The following IFT140 variants were observed in gnomAD, a reference collection of about 807,000 sequenced individuals.
IFT140 encodes intraflagellar transport 140.
Under a neutral mutation model 164.6 loss-of-function variants are expected in IFT140, and 133 were observed. The observed-to-expected ratio is 0.81, with a 90% CI of 0.70 to 0.93. The LOEUF is 0.93. Ranked by LOEUF, IFT140 falls within the 40% of genes least tolerant of loss-of-function variation. The pLI, the probability that IFT140 is intolerant of heterozygous loss-of-function variation, is 0.00. For synonymous variants in IFT140, 860 were observed against 817.3 expected (o/e 1.05, Z -0.89); for missense variants, 2,045 against 1,972.3 (o/e 1.04, Z -0.70).
At chr16:1,583,417 G>C (rs368209410) in intron 11 of IFT140, 31 bp from the exon 12 acceptor site, 3 of 1,607,372 alleles carry the variant, frequency 1.9e-6, no homozygotes, top group Non-Finnish European at 2.6e-6. Context: ...TCGAGGCAAA[G>C]GGCGGGAAAA....
At chr16:1,606,830 GCACACACA>G (rs150810644) in intron 3 of IFT140, among the ~76,000 whole-genome samples, 2 of 151,110 alleles carry the variant, frequency 1.3e-5, no homozygotes, top group Non-Finnish European at 3.0e-5. Flanking sequence ...CGCACCACAC[GCACACACA>G]CACACGTGTG....
rs925857037 is a variant in IFT140 at position 1,513,920 on chromosome 16, G to A, written c.4183-2770C>T. ...CATCTCCTGACCTCATGATCTGCCC[G>A]CCTTGGCCTCCCAAAGTGCTGGGAT... On this transcript the variant is annotated intron_variant, in intron 30 of 30. Transcript: ENST00000426508. Among the ~76,000 whole-genome samples the A allele has an allele frequency of 2.0e-3, 303 of 149,006 alleles. 9 individuals carry two copies. In the East Asian group the frequency reaches 0.052, roughly 26 times the overall value.
chr16:1,597,314 C>T (rs980877830), intron 4 of IFT140, among the ~76,000 whole-genome samples: 1 of 152,204 alleles, frequency 6.6e-6, no homozygotes, highest in African/African-American at 2.4e-5. Flanking sequence ...GCCCGCCTCC[C>T]TGGTTACTGC....
rs750828167 is a variant in IFT140 at position 1,524,828 on chromosome 16, A to G, written c.2953T>C (p.Phe985Leu). 6.2e-7 allele frequency: 1 copy of G among 1,612,576 alleles called. No individual in the cohort carries two copies. Among genetic ancestry groups the G allele is most frequent in the South Asian group, 1.1e-5 (1 of 91,048 alleles). ...AAGCAGTGGATGCGGACCAGGGAGA[A>G]GTGGTCCCGGGCCAGCTCGTAGTAG... ...LHYYELARDH[F>L]SLVRIHCFQG... The change falls in exon 23 of 31, where the codon TTC (phenylalanine) becomes CTC (leucine). Residue 985 changes from phenylalanine (F) to leucine (L), a missense_variant. Transcript: ENST00000426508.
At position 1,580,763 on chromosome 16, in the gene IFT140, C is replaced by A. The variant is rs755959856; in HGVS notation, c.1520G>T (p.Trp507Leu). Residue 507 changes from tryptophan to leucine, a missense_variant, in exon 13 of 31, where the codon TGG (tryptophan) becomes TTG (leucine). Coordinates refer to ENST00000426508, the MANE Select transcript of IFT140 (RefSeq NM_014714.4). ...TGCAGTGGAGCAGCAACTTACCTGC[C>A]AGGTTCGAACTTGAACTCGGTTTGA... ...VESNRVQVRT[W>L]QGTVKQLLLF... The A allele has an allele frequency of 1.2e-5, 19 of 1,612,024 alleles. No individual in the cohort carries two copies. In the Admixed American group the frequency reaches 2.3e-4, roughly 20 times the overall value.
At chr16:1,558,949 G>A (rs912307640) in intron 18 of IFT140, among the ~76,000 whole-genome samples, 8 of 152,234 alleles carry the variant, frequency 5.3e-5, no homozygotes, top group Admixed American at 2.0e-4. Flanking sequence ...TTGCGGCCCC[G>A]GTGAGTAGGC....
At position 1,524,590 on chromosome 16, in the gene IFT140, G is replaced by A. The variant is rs141818893; in HGVS notation, c.3103C>T (p.Arg1035Trp). Residue 1035 changes from arginine to tryptophan, a missense_variant, in exon 24 of 31, where the codon CGG becomes TGG. By Grantham distance (101) the Arg-to-Trp change is moderately radical. Coordinates refer to ENST00000426508, the MANE Select transcript of IFT140 (RefSeq NM_014714.4). Reference sequence around the variant, plus strand: ...ATGGCATTCTTGAAGGCCTGTGCCCGGGTGTAGAAGTGCACCGCCTGCCCG... The same window carrying A: ...ATGGCATTCTTGAAGGCCTGTGCCCAGGTGTAGAAGTGCACCGCCTGCCCG... ...EVGQAVHFYT[R>W]AQAFKNAIRL... is the part of the protein sequence containing the mutation. 2.2e-5 allele frequency: 36 copies of A among 1,609,640 alleles called. 1 individual carries two copies. The highest frequency in any genetic ancestry group is 1.0e-4 in the Admixed American group (6 of 59,694).
chr16:1,539,706 G>A (rs1351101003), intron 19 of IFT140, among the ~76,000 whole-genome samples: 2 of 152,232 alleles, frequency 1.3e-5, no homozygotes, highest in Non-Finnish European at 2.9e-5. Context: ...GTTTTGCTGC[G>A]AGAAAAATGA....
intron 13 of IFT140, 72 bp from the exon 14 acceptor site, chr16:1,571,606 C>G: frequency 2.1e-6 from 3 of 1,453,084 alleles, no homozygotes; most frequent in Non-Finnish European, 2.8e-6. Context: ...TAACCTTGTA[C>G]ACACAAGAAA....
chr16:1,549,768 A>C (rs771059654), intron 19 of IFT140, among the ~76,000 whole-genome samples: 1 of 151,574 alleles, frequency 6.6e-6, no homozygotes, highest in Non-Finnish European at 1.5e-5. Flanking sequence ...AGCTTTCTAG[A>C]CTCATGACTC....
Position 1,583,334 on chromosome 16 carries a change from C to G in IFT140, c.1412G>C (p.Gly471Ala). The G allele has an allele frequency of 6.2e-7, 1 of 1,614,114 alleles. No homozygotes were observed. The highest frequency in any genetic ancestry group is 1.1e-5 in the South Asian group (1 of 91,078). ...GRQVAIFELSGAAIRSAGTFL... is the reference protein window; with the variant it reads ...GRQVAIFELSAAAIRSAGTFL... ...CCCACCTGCACTCCGTATCGCGGCT[C>G]CAGAAAGCTCGAAGATCGCCACCTG... The change falls in exon 12 of 31, where the codon GGA (glycine) becomes GCA (alanine). Residue 471 changes from glycine (G) to alanine (A), a missense_variant. By Grantham distance (60) the Gly-to-Ala change is moderately conservative. Transcript: ENST00000426508.
At chr16:1,552,666 T>TG (rs2032755006) in intron 19 of IFT140, among the ~76,000 whole-genome samples, 2 of 150,594 alleles carry the variant, frequency 1.3e-5, no homozygotes, top group African/African-American at 4.9e-5. Flanking sequence ...TTTTTTTTTT[T>TG]GAAATGGAGT....
At chr16:1,562,924 C>A (rs1480665517) in intron 17 of IFT140, among the ~76,000 whole-genome samples, 1 of 152,210 alleles carries the variant, frequency 6.6e-6, no homozygotes, top group East Asian at 1.9e-4. Context: ...GACATGCGCC[C>A]ATACCTGCAG....
At chr16:1,523,033 C>T (rs1183014830) in intron 26 of IFT140, among the ~76,000 whole-genome samples, 2 of 151,758 alleles carry the variant, frequency 1.3e-5, no homozygotes, top group Non-Finnish European at 2.9e-5. Flanking sequence ...CCAGCCTGGG[C>T]AACACAGCAA....
intron 19 of IFT140, chr16:1,554,232 C>T: frequency 1.3e-6 from 1 of 772,708 alleles, no homozygotes; most frequent in Non-Finnish European, 1.8e-6. Context: ...AAGCAAAGGC[C>T]AAGAGCAAGA....
chr16:1,581,419 G>A (rs1395608226), intron 12 of IFT140, among the ~76,000 whole-genome samples: 1 of 151,822 alleles, frequency 6.6e-6, no homozygotes, highest in African/African-American at 2.4e-5. Context: ...GGCCAACATC[G>A]TGGAATGTTG....
intron 4 of IFT140, among the ~76,000 whole-genome samples, chr16:1,599,222 T>C (rs1464103158): frequency 1.3e-4 from 10 of 74,900 alleles, no homozygotes; most frequent in African/African-American, 1.6e-4. Context: ...GCCCGGCAGC[T>C]GCCCCGTCTG....
intron 19 of IFT140, among the ~76,000 whole-genome samples, chr16:1,544,420 C>T (rs571249612): frequency 3.2e-4 from 48 of 151,378 alleles, no homozygotes; most frequent in African/African-American, 1.1e-3. Flanking sequence ...CTCCTGACCT[C>T]GTGATCCGCC....
chr16:1,606,751 C>T (rs1001599469), intron 3 of IFT140, among the ~76,000 whole-genome samples: 11 of 152,130 alleles, frequency 7.2e-5, no homozygotes, highest in African/African-American at 1.7e-4. Flanking sequence ...TGAGCCACTG[C>T]GCCTGGCCTC....
Sources: gnomAD v4.1 joint callset for allele counts (sites outside exome capture counted in the v4.1 genomes callset) on GRCh38, gnomAD v4.1.1 for gene constraint, MANE v1.5 for transcripts, NCBI Gene and HGNC (gene_info 2026-07-23, HGNC 2026-07-21) for gene names.